MRPL52: variants seen among roughly 807,000 people sequenced by gnomAD.
MRPL52 encodes the protein large ribosomal subunit protein mL52.
Under a neutral mutation model 22.1 loss-of-function variants are expected in MRPL52, and 19 were observed. That is an observed-to-expected ratio of 0.86 (90% CI 0.60 to 1.26). The LOEUF is 1.26. Ranked by LOEUF, MRPL52 falls within the 50% of genes most tolerant of loss-of-function variation. MRPL52 has a pLI of 0.00. For synonymous variants in MRPL52, 50 were observed against 57.5 expected, an observed-to-expected ratio of 0.87 and a Z score of 0.59; for missense variants, 152 against 148.1, an observed-to-expected ratio of 1.03 and a Z score of -0.14.
In MRPL52 at chr14:22,829,890, T is replaced by C; in HGVS notation, c.-23T>C. On this transcript the variant is annotated 5_prime_UTR_variant, in exon 1 of 5. Transcript: ENST00000397496. The stretch of plus-strand genomic sequence containing the variant: ...CACCGAGGCCACGCCTACTTCCGGC[T>C]ACCCCGGCTACTCCTGCTCAGCATG... The C allele has an allele frequency of 6.7e-7, 1 of 1,491,724 alleles. No individual in the cohort carries two copies. 92.4% of individuals were successfully genotyped at this position (1,491,724 alleles called of 1,614,324 possible).
At chr14:22,831,997 A>G (rs2039631434) in intron 3 of MRPL52, 1 of 152,144 alleles carries the variant, frequency 6.6e-6, no homozygotes, top group South Asian at 2.1e-4. Context: ...ACGGAGCGAG[A>G]CCTTGTCTCA....
rs1276809406 is a variant in MRPL52, at chr14:22,829,955, A to G, written c.28+15A>G. The G allele has an allele frequency of 3.7e-6, 6 of 1,606,276 alleles. No homozygotes were observed. The South Asian group carries it at 6.6e-5, about 18-fold the overall frequency. ...TGTTCTCTTCAGTGAGTGGGTATAG[A>G]TAGGGACCGTGGACTCGGGGGCCCT... On this transcript the variant is annotated intron_variant, in intron 1 of 4. Transcript: ENST00000397496.
chr14:22,830,283 C>T, intron 3 of MRPL52, 29 bp downstream of exon 3: 1 of 1,613,348 alleles, frequency 6.2e-7, no homozygotes, highest in South Asian at 1.1e-5. Flanking sequence ...GTTAACTCCA[C>T]TGGGGAGATT....
At position 22,830,219 on chromosome 14, in the gene MRPL52, G is replaced by A. The variant is rs759974181; in HGVS notation, c.119G>A (p.Gly40Glu). The A allele has an allele frequency of 5.0e-6, 8 of 1,614,092 alleles. No homozygotes were observed. The Admixed American group carries it at 1.2e-4, about 24-fold the overall frequency. The change falls in exon 3 of 5, where the codon GGG becomes GAG. Residue 40 changes from glycine to glutamate, a missense_variant. Gly to Glu is a moderately conservative substitution (Grantham distance 98). Coordinates refer to ENST00000397496, the MANE Select transcript of MRPL52 (RefSeq NM_180982.3). ...CTGGCTGCCAACCCCTCCGGCTACG[G>A]GCCCCTTACCGAGCTCCCAGACTGG... ...QGLAANPSGY[G>E]PLTELPDWSY...
chr14:22,833,324 G>A, intron 3 of MRPL52, 94 bp from the exon 4 acceptor site: 2 of 779,694 alleles, frequency 2.6e-6, no homozygotes, highest in Non-Finnish European at 4.6e-6. Flanking sequence ...AGAGGAGCTA[G>A]AGATTGGTTC....
At chr14:22,830,706 T>G (rs17122926) in intron 3 of MRPL52, 71,262 of 413,372 alleles carry the variant, frequency 0.17, 7,077 homozygotes, top group African/African-American at 0.26. Flanking sequence ...TTCAGAAAAT[T>G]CTTTTACCTT....
intron 3 of MRPL52, chr14:22,831,809 A>G (rs1412264527): frequency 6.6e-6 from 1 of 152,252 alleles, no homozygotes; most frequent in African/African-American, 2.4e-5. Context: ...CCCTGACCCA[A>G]AGAACTTAAA....
rs1466733504 is a variant in MRPL52, at chr14:22,834,160, T to C, written c.220-12T>C. The C allele has an allele frequency of 6.2e-7, 1 of 1,613,606 alleles. No homozygotes were observed. The highest frequency in any genetic ancestry group is 8.5e-7 in the Non-Finnish European group (1 of 1,179,806). On this transcript the variant is annotated splice_polypyrimidine_tract_variant and intron_variant, in intron 4 of 4. Transcript: ENST00000397496. ...CCAGATGTTATCCACACTGTTTTCC[T>C]GTCTGTTTCAGAGACGAGTTGTACT...
At chr14:22,831,105 G>GGTTTTT in intron 3 of MRPL52, 1 of 101,288 alleles carries the variant, frequency 9.9e-6, no homozygotes, top group Non-Finnish European at 1.7e-5. Context: ...ACATATGACT[G>GGTTTTT]CTTTTTTTTT....
chr14:22,830,076 G>A lies in MRPL52; in HGVS notation c.52G>A (p.Val18Ile), dbSNP rs1441774355. The A allele has an allele frequency of 1.2e-6, 2 of 1,613,960 alleles. No individual in the cohort carries two copies. Among genetic ancestry groups the A allele is most frequent in the African/African-American group, 1.3e-5 (1 of 74,952 alleles). ...LFSVRRLHCS[V>I]AAWAGGQWRL... The stretch of plus-strand genomic sequence containing the variant: ...AGGTGTCCGGAGGCTGCACTGCAGC[G>A]TAGCCGCTTGGGCGGGCGGCCAGTG... Residue 18 changes from valine to isoleucine, a missense_variant, in exon 2 of 5, where the codon GTA (valine) becomes ATA (isoleucine). Transcript: ENST00000397496.
rs2039687233 is a variant in MRPL52, at chr14:22,834,183, A to G, written c.231A>G (p.Val77=). ...CCTGTCTGTTTCAGAGACGAGTTGT[A>G]CTGCTGTCACAGGAAATGGACGCTG... ...AERETFARRV[V]LLSQEMDAGL... Residue 77 remains valine (V), a synonymous_variant, in exon 5 of 5, where the codon GTA becomes GTG. Transcript: ENST00000397496. 1 of 1,614,052 alleles carries G rather than the reference A, an allele frequency of 6.2e-7. No homozygotes were observed. Among genetic ancestry groups the G allele is most frequent in the Non-Finnish European group, 8.5e-7 (1 of 1,180,030 alleles).
At chr14:22,831,279 A>ATT (rs200349955) in intron 3 of MRPL52, 28 of 365,366 alleles carry the variant, frequency 7.7e-5, no homozygotes, top group Non-Finnish European at 1.1e-4. Context: ...TTCCTGGCTA[A>ATT]TTTTTTTTTT....
chr14:22,831,207 G>A, intron 3 of MRPL52: 1 of 525,138 alleles, frequency 1.9e-6, no homozygotes, highest in South Asian at 2.4e-5. Context: ...TGATCTCCTG[G>A]GCTCAAGCAG....
chr14:22,834,476 G>A lies in MRPL52; in HGVS notation c.*155G>A. 2 of 859,264 alleles carry A rather than the reference G, an allele frequency of 2.3e-6. No individual in the cohort carries two copies. The highest frequency in any genetic ancestry group is 3.9e-5 in the South Asian group (2 of 51,616). 53.2% of individuals were successfully genotyped at this position (859,264 alleles called of 1,614,324 possible). A position where few individuals can be genotyped will look rare whatever the true frequency, so the allele number is the denominator to read the frequency against. Reference sequence around the variant, plus strand: ...AGAACAAGCTGTTAGATCACTGCCTGGGAGGCTTGGCTTAGTACTCTCATC... The same window carrying A: ...AGAACAAGCTGTTAGATCACTGCCTAGGAGGCTTGGCTTAGTACTCTCATC... On this transcript the variant is annotated 3_prime_UTR_variant, in exon 5 of 5. Transcript: ENST00000397496.
chr14:22,831,105 G>GT, intron 3 of MRPL52: 16 of 101,280 alleles, frequency 1.6e-4, no homozygotes, highest in Admixed American at 7.9e-4. Flanking sequence ...ACATATGACT[G>GT]CTTTTTTTTT....
rs1306284579 is a variant in MRPL52, at chr14:22,833,483, G to A, written c.219+1G>A. On this transcript the variant is annotated splice_donor_variant, in intron 4 of 4. Coordinates refer to ENST00000397496, the MANE Select transcript of MRPL52 (RefSeq NM_180982.3). LOFTEE classifies it high-confidence loss of function. ...AAAAGCTGAAAGGGAGACGTTTGCA[G>A]TGAGTGGTTAGAGCAACAGCCAGGG... 3.1e-6 allele frequency: 5 copies of A among 1,611,904 alleles called. No homozygotes were observed. The highest frequency in any genetic ancestry group is 1.7e-5 in the Admixed American group (1 of 59,994).
intron 3 of MRPL52, among the ~76,000 whole-genome samples, chr14:22,832,572 C>A (rs753076497): frequency 4.6e-5 from 7 of 152,074 alleles, no homozygotes; most frequent in African/African-American, 7.2e-5. Flanking sequence ...AATCTCCTGA[C>A]CTCGTGATCC....
rs1043539830 is a variant in MRPL52 at position 22,834,966 on chromosome 14, A to C, written c.*645A>C. On this transcript the variant is annotated 3_prime_UTR_variant, in exon 5 of 5. Coordinates refer to ENST00000397496, the MANE Select transcript of MRPL52 (RefSeq NM_180982.3). ...TTTTCCCAGTTTTGGCCAGGCAGTC[A>C]AGCCTTTAACAGCTCATGCACAGTT... The C allele has an allele frequency of 6.6e-6, 1 of 152,286 alleles. No individual in the cohort carries two copies. The highest frequency in any genetic ancestry group is 1.5e-5 in the Non-Finnish European group (1 of 68,096). 9.4% of individuals were successfully genotyped at this position (152,286 alleles called of 1,614,324 possible).
intron 3 of MRPL52, chr14:22,831,082 AG>A (rs1225213097): frequency 1.5e-6 from 1 of 677,178 alleles, no homozygotes; most frequent in African/African-American, 1.9e-5. Flanking sequence ...ACTATTGGAA[AG>A]ACTCTGGAAT....
Sources: gnomAD v4.1 joint callset for allele counts (sites outside exome capture counted in the v4.1 genomes callset) on GRCh38, gnomAD v4.1.1 for gene constraint, MANE v1.5 for transcripts, NCBI Gene and HGNC (gene_info 2026-07-23, HGNC 2026-07-21) for gene names.